The following STON2 variants were observed in gnomAD, a reference collection of about 807,000 sequenced individuals.
The protein encoded by STON2 is stonin 2, also known as stonin-2.
In STON2, 29 loss-of-function variants were observed where a neutral mutation model predicts 65.7. That is an observed-to-expected ratio of 0.44 (90% CI 0.33 to 0.60). The LOEUF is 0.60. Among genes scored for constraint, STON2 ranks in the 20% least tolerant of loss-of-function variants. The pLI, the probability that STON2 is intolerant of heterozygous loss-of-function variation, is 0.03. For synonymous variants in STON2, 404 were observed against 414.2 expected (o/e 0.98, Z 0.30); for missense variants, 1,054 against 1,118.1 (o/e 0.94, Z 0.82).
At chr14:81,428,144 T>C (rs1019253463) in intron 1 of STON2, among the ~76,000 whole-genome samples, 4 of 152,206 alleles carry the variant, frequency 2.6e-5, no homozygotes, top group Non-Finnish European at 5.9e-5. Context: ...ATGATAGCTA[T>C]TGATAGTGTT....
At chr14:81,399,245 A>T (rs911386289) in intron 1 of STON2, among the ~76,000 whole-genome samples, 3 of 152,248 alleles carry the variant, frequency 2.0e-5, no homozygotes, top group African/African-American at 7.2e-5. Flanking sequence ...CTAGGAATAC[A>T]GAAAGATTCT....
At chr14:81,276,421 G>A (rs538455205) in intron 6 of STON2, among the ~76,000 whole-genome samples, 1 of 152,146 alleles carries the variant, frequency 6.6e-6, no homozygotes, top group Non-Finnish European at 1.5e-5. Flanking sequence ...GAGATATTAT[G>A]ACTAACAGAC....
rs1894265615 is a variant in STON2 at position 81,264,075 on chromosome 14, T to C, written c.*4339A>G. 3.0e-6 allele frequency: 3 copies of C among 985,440 alleles called. No homozygotes were observed. The highest frequency in any genetic ancestry group is 9.4e-5 in the South Asian group (2 of 21,288). 61.0% of individuals were successfully genotyped at this position (985,440 alleles called of 1,614,324 possible). On this transcript the variant is annotated 3_prime_UTR_variant, in exon 8 of 8. Transcript: ENST00000614646. ...AAATGCTTTCTTTTCCTACTGACCATTGAAATGGGCAAGGCTCAGGCTCAT... is the reference window on the plus strand; with the variant it reads ...AAATGCTTTCTTTTCCTACTGACCACTGAAATGGGCAAGGCTCAGGCTCAT...
intron 2 of STON2, among the ~76,000 whole-genome samples, chr14:81,420,507 AG>A (rs1901653383): frequency 6.6e-6 from 1 of 152,214 alleles, no homozygotes; most frequent in African/African-American, 2.4e-5. Flanking sequence ...GAGAGGACTA[AG>A]ATCCAGCACC....
At chr14:81,395,719 C>T (rs1381530739) in intron 3 of STON2, 175 bp downstream of exon 3, 1 of 649,414 alleles carries the variant, frequency 1.5e-6, no homozygotes, top group African/African-American at 1.8e-5. Context: ...CTTATGTCAA[C>T]AAAAACAAGT....
At chr14:81,413,469 C>T (rs1293416119) in intron 2 of STON2, among the ~76,000 whole-genome samples, 1 of 140,320 alleles carries the variant, frequency 7.1e-6, no homozygotes, top group Non-Finnish European at 1.5e-5. Context: ...TTCTGCCTCA[C>T]GTTGTTTTCT....
chr14:81,370,624 T>C (rs1898939892), intron 4 of STON2, among the ~76,000 whole-genome samples: 1 of 152,216 alleles, frequency 6.6e-6, no homozygotes, highest in South Asian at 2.1e-4. Context: ...AAAGGCAAGA[T>C]GCATGGGTAG....
At chr14:81,288,808 A>T (rs1219166083) in intron 5 of STON2, among the ~76,000 whole-genome samples, 1 of 151,186 alleles carries the variant, frequency 6.6e-6, no homozygotes, top group Non-Finnish European at 1.5e-5. Context: ...GTATCATAGG[A>T]GCAAGGGAAA....
At chr14:81,311,486 CGAT>C (rs1189776597) in intron 5 of STON2, among the ~76,000 whole-genome samples, 1 of 152,188 alleles carries the variant, frequency 6.6e-6, no homozygotes, top group Non-Finnish European at 1.5e-5. Context: ...AAAAATCATA[CGAT>C]GAGCCAGGTA....
At chr14:81,389,292 C>T (rs1899966970) in intron 3 of STON2, among the ~76,000 whole-genome samples, 2 of 152,206 alleles carry the variant, frequency 1.3e-5, no homozygotes, top group Non-Finnish European at 2.9e-5. Flanking sequence ...TTTTCTTGCA[C>T]GCACAGAGAC....
At chr14:81,339,911 T>C (rs2140288865) in intron 4 of STON2, among the ~76,000 whole-genome samples, 1 of 152,258 alleles carries the variant, frequency 6.6e-6, no homozygotes, top group South Asian at 2.1e-4. Flanking sequence ...TCCCAACACT[T>C]TGGGAGGCCA....
At position 81,278,681 on chromosome 14, in the gene STON2, C is replaced by T; in HGVS notation, c.801G>A (p.Gln267=). 2.6e-6 allele frequency: 4 copies of T among 1,526,214 alleles called. No individual in the cohort carries two copies. Among genetic ancestry groups the T allele is most frequent in the East Asian group, 2.3e-5 (1 of 44,134 alleles). The allele number at this position is 1,526,214 out of a possible 1,614,324, so 94.5% of individuals were successfully genotyped here. The change falls in exon 6 of 8, where the codon CAG becomes CAA. Residue 267 remains glutamine, a synonymous_variant. Coordinates refer to ENST00000614646, the MANE Select transcript of STON2 (RefSeq NM_001394390.1). The stretch of plus-strand genomic sequence containing the variant: ...GCCCATTCATGGCTGGACTGCTGGC[C>T]TGCCAGCTGATGGCCTCCATCTCTA... ...EEVEMEAISW[Q]ASSPAMNGHP...
chr14:81,264,031 A>G lies in STON2; in HGVS notation c.*4383T>C, dbSNP rs1452400671. 1 of 985,438 alleles carries G rather than the reference A, an allele frequency of 1.0e-6. No individual in the cohort carries two copies. Among genetic ancestry groups the G allele is most frequent in the Non-Finnish European group, 1.2e-6 (1 of 829,934 alleles). 61.0% of individuals were successfully genotyped at this position (985,438 alleles called of 1,614,324 possible). A position where few individuals can be genotyped will look rare whatever the true frequency, so the allele number is the denominator to read the frequency against. On this transcript the variant is annotated 3_prime_UTR_variant, in exon 8 of 8. Transcript: ENST00000614646. ...AAGAACAAAGACCTACTGCATGAAG[A>G]CTGGTTGTGCACTCTATCAAATGCT... is the stretch of plus-strand genomic sequence containing the variant.
intron 5 of STON2, among the ~76,000 whole-genome samples, chr14:81,308,811 T>TAC (rs1896296008): frequency 1.2e-4 from 2 of 16,112 alleles, no homozygotes; most frequent in Admixed American, 5.1e-4. Context: ...TATATATATA[T>TAC]ATATATATAT....
intron 5 of STON2, among the ~76,000 whole-genome samples, chr14:81,317,015 G>A (rs1207920980): frequency 6.6e-6 from 1 of 152,002 alleles, no homozygotes; most frequent in East Asian, 1.9e-4. Context: ...GTGAGACTCT[G>A]TCTCAAAAAA....
rs937669786 is a variant in STON2, at chr14:81,427,715, G to A, written c.-309-503C>T. On this transcript the variant is annotated intron_variant, in intron 1 of 8. Coordinates refer to the STON2 transcript ENST00000553821. ...AACAAAAAGAATAAGGATGAGATGG[G>A]AAAAAAAAAAAGAGAGAGAGAAAAA... Among the ~76,000 whole-genome samples, 99 of 145,176 alleles carry A rather than the reference G, an allele frequency of 6.8e-4. 1 individual carries two copies. The East Asian group carries it at 0.019, about 27-fold the overall frequency.
At chr14:81,434,832 T>A (rs1216913795) in intron 1 of STON2, among the ~76,000 whole-genome samples, 1 of 152,040 alleles carries the variant, frequency 6.6e-6, no homozygotes, top group Non-Finnish European at 1.5e-5. Context: ...AGTGACACAG[T>A]GACAAAGAAT....
At position 81,341,457 on chromosome 14, in the gene STON2, G is replaced by GT. The variant is rs1156390907; in HGVS notation, c.572-17271dup. Among the ~76,000 whole-genome samples the GT allele has an allele frequency of 9.0e-3, 1,114 of 123,870 alleles. 17 individuals are homozygous for GT. The highest frequency in any genetic ancestry group is 0.029 in the African/African-American group (923 of 31,872). The allele number at this position is 123,870 out of a possible 152,430, so 81.3% of individuals were successfully genotyped here. Reference sequence around the variant, plus strand: ...CTCATTTTATAAGTGTTTTTTTTTTGTTTTTTTTTTTTCCCAAAAGTCTGG... The same window carrying GT: ...CTCATTTTATAAGTGTTTTTTTTTTGTTTTTTTTTTTTTCCCAAAAGTCTGG... On this transcript the variant is annotated intron_variant, in intron 4 of 7. Coordinates refer to ENST00000614646, the MANE Select transcript of STON2 (RefSeq NM_001394390.1).
rs567002308 is a variant in STON2 at position 81,277,259 on chromosome 14, C to A, written c.2223G>T (p.Lys741Asn). 1 of 1,614,210 alleles carries A rather than the reference C, an allele frequency of 6.2e-7. No homozygotes were observed. Among genetic ancestry groups the A allele is most frequent in the South Asian group, 1.1e-5 (1 of 91,088 alleles). Residue 741 changes from lysine to asparagine, a missense_variant, in exon 6 of 8, where the codon AAG becomes AAT. Physicochemically the swap from Lys to Asn is moderately conservative, Grantham distance 94. Coordinates refer to ENST00000614646, the MANE Select transcript of STON2 (RefSeq NM_001394390.1). Reference protein sequence around the residue: ...LMRFRTVFAEKTLPFTLRTAT... With the variant: ...LMRFRTVFAENTLPFTLRTAT... ...CCGTCCTGAGTGTGAAAGGCAAGGT[C>A]TTCTCAGCAAACACTGTCCTGAACC...
Sources: allele counts gnomAD v4.1 joint callset (sites outside exome capture counted in the v4.1 genomes callset), GRCh38; gene constraint gnomAD v4.1.1; transcripts MANE v1.5; gene names NCBI Gene and HGNC (gene_info 2026-07-23, HGNC 2026-07-21).